Variants in NRG3 observed in about 807,000 individuals in gnomAD.
NRG3 encodes the protein pro-neuregulin-3, membrane-bound isoform.
In NRG3, 31 loss-of-function variants were observed where a neutral mutation model predicts 66.9. That is an observed-to-expected ratio of 0.46 (90% CI 0.35 to 0.63). The LOEUF (loss-of-function observed/expected upper bound fraction) is 0.63. NRG3 is among the 20% of genes least tolerant of loss of function. The pLI, the probability that NRG3 is intolerant of heterozygous loss-of-function variation, is 0.00. For synonymous variants in NRG3, 393 were observed against 359.4 expected (o/e 1.09, Z -1.06); for missense variants, 910 against 878.9 (o/e 1.04, Z -0.45).
chr10:81,909,682 A>C (rs1051589868), intron 1 of NRG3, among the ~76,000 whole-genome samples: 1 of 152,228 alleles, frequency 6.6e-6, no homozygotes, highest in Non-Finnish European at 1.5e-5. Flanking sequence ...GGAGGCAGAA[A>C]GCAGTTGTAT....
chr10:82,930,450 G>A (rs897469409), intron 4 of NRG3, among the ~76,000 whole-genome samples: 1 of 152,270 alleles, frequency 6.6e-6, no homozygotes, highest in East Asian at 1.9e-4. Flanking sequence ...GGGGATCTCA[G>A]TCTAATGACT....
At chr10:82,537,748 G>C (rs923253025) in intron 2 of NRG3, among the ~76,000 whole-genome samples, 2 of 151,958 alleles carry the variant, frequency 1.3e-5, no homozygotes, top group South Asian at 2.1e-4. Context: ...TAAAATAATG[G>C]TATTAATATA....
At chr10:82,845,480 A>C (rs2063265905) in intron 3 of NRG3, among the ~76,000 whole-genome samples, 1 of 152,184 alleles carries the variant, frequency 6.6e-6, no homozygotes, top group African/African-American at 2.4e-5. Context: ...GGAAAACGCC[A>C]ATGTGTGCTT....
At chr10:82,576,659 C>A (rs189140682) in intron 2 of NRG3, among the ~76,000 whole-genome samples, 22 of 151,890 alleles carry the variant, frequency 1.4e-4, no homozygotes, top group African/African-American at 5.1e-4. Context: ...ATGTGCTAGA[C>A]AACTGCCTTT....
chr10:82,781,631 G>A (rs150261767), intron 3 of NRG3, among the ~76,000 whole-genome samples: 1 of 152,050 alleles, frequency 6.6e-6, no homozygotes, highest in African/African-American at 2.4e-5. Flanking sequence ...ATACCCCAAA[G>A]CAAGAAAAAT....
At chr10:81,892,686 A>G (rs1224177543) in intron 1 of NRG3, among the ~76,000 whole-genome samples, 2 of 152,170 alleles carry the variant, frequency 1.3e-5, no homozygotes, top group Admixed American at 1.3e-4. Context: ...GTGAGGGGTT[A>G]CAGGAGAGGT....
intron 2 of NRG3, among the ~76,000 whole-genome samples, chr10:82,564,659 C>T (rs2045277128): frequency 6.6e-6 from 1 of 151,970 alleles, no homozygotes; most frequent in Non-Finnish European, 1.5e-5. Flanking sequence ...CTTAAGATTC[C>T]AGGTGAATCC....
At chr10:82,890,030 A>G (rs1279428432) in intron 4 of NRG3, among the ~76,000 whole-genome samples, 4 of 152,118 alleles carry the variant, frequency 2.6e-5, no homozygotes, top group Admixed American at 1.3e-4. Flanking sequence ...CAAGAAAGCC[A>G]ATACTCTAAG....
rs1369292330 is a variant in NRG3, at chr10:82,283,012, G to C, written c.824-75727G>C. ...TTGGTTTCCAAACGTTCACTAATGC[G>C]ATCTGCTCTGTGAGGCTGATCATCT... is the stretch of plus-strand genomic sequence containing the variant. On this transcript the variant is annotated intron_variant, in intron 1 of 8. Transcript: ENST00000372141. Among the ~76,000 whole-genome samples the C allele has an allele frequency of 2.6e-5, 4 of 151,960 alleles. No homozygotes were observed. In the East Asian group the frequency reaches 7.8e-4, roughly 29 times the overall value.
At chr10:82,324,603 A>G (rs2081762025) in intron 1 of NRG3, among the ~76,000 whole-genome samples, 1 of 152,166 alleles carries the variant, frequency 6.6e-6, no homozygotes, top group African/African-American at 2.4e-5. Context: ...TCCTACAAAT[A>G]TTGATATGCT....
intron 2 of NRG3, among the ~76,000 whole-genome samples, chr10:82,563,101 A>T (rs906522285): frequency 6.6e-6 from 1 of 152,150 alleles, no homozygotes; most frequent in Non-Finnish European, 1.5e-5. Flanking sequence ...GATTTAGAAC[A>T]TGGCATCCAG....
intron 3 of NRG3, among the ~76,000 whole-genome samples, chr10:82,752,756 C>T (rs901192295): frequency 2.6e-5 from 4 of 152,206 alleles, no homozygotes; most frequent in African/African-American, 7.2e-5. Flanking sequence ...AGCTGCCTTG[C>T]TTCTTCCACC....
At chr10:82,757,851 TTTAA>T (rs2059141851) in intron 3 of NRG3, among the ~76,000 whole-genome samples, 2 of 152,158 alleles carry the variant, frequency 1.3e-5, no homozygotes, top group South Asian at 4.1e-4. Flanking sequence ...AACAAATTGA[TTTAA>T]TTAAATCTAG....
intron 2 of NRG3, among the ~76,000 whole-genome samples, chr10:82,611,962 A>G (rs972621939): frequency 6.6e-5 from 10 of 152,162 alleles, no homozygotes; most frequent in South Asian, 2.1e-4. Flanking sequence ...TCAACATTCT[A>G]ACTGGTGTGA....
In NRG3 at chr10:82,907,385, C is replaced by T. The variant is rs561681977; in HGVS notation, c.1054+41948C>T. Among the ~76,000 whole-genome samples, 15 of 152,206 alleles carry T rather than the reference C, an allele frequency of 9.9e-5. No homozygotes were observed. In the South Asian group the frequency reaches 3.1e-3, roughly 31 times the overall value. On this transcript the variant is annotated intron_variant, in intron 4 of 8. Coordinates refer to ENST00000372141, the MANE Select transcript of NRG3 (RefSeq NM_001010848.4). The stretch of plus-strand genomic sequence containing the variant: ...TTTTCTGGAATATATCATTTTACCC[C>T]ACTTTTAACAGTTTGCGAATCATGG...
chr10:82,209,411 C>T (rs909253978), intron 1 of NRG3, among the ~76,000 whole-genome samples: 5 of 152,082 alleles, frequency 3.3e-5, no homozygotes, highest in African/African-American at 9.7e-5. Flanking sequence ...CAATTAAATT[C>T]GTTTGAGTAG....
chr10:82,290,800 A>ATTT (rs11369490), intron 1 of NRG3, among the ~76,000 whole-genome samples: 20 of 141,806 alleles, frequency 1.4e-4, no homozygotes, highest in African/African-American at 4.2e-4. Flanking sequence ...CGCCTGGCTA[A>ATTT]TTTTTTTTTT....
At chr10:82,705,640 T>G (rs968651765) in intron 2 of NRG3, among the ~76,000 whole-genome samples, 1 of 152,218 alleles carries the variant, frequency 6.6e-6, no homozygotes, top group Non-Finnish European at 1.5e-5. Context: ...GGGCTTACAG[T>G]GTTGATTCGT....
intron 1 of NRG3, among the ~76,000 whole-genome samples, chr10:82,209,476 C>T (rs1177226233): frequency 2.0e-5 from 3 of 152,160 alleles, no homozygotes; most frequent in African/African-American, 7.2e-5. Flanking sequence ...TAGAATTATA[C>T]ACTTTAAAGA....
Sources: gnomAD v4.1 joint callset for allele counts (sites outside exome capture counted in the v4.1 genomes callset) on GRCh38, gnomAD v4.1.1 for gene constraint, MANE v1.5 for transcripts, NCBI Gene and HGNC (gene_info 2026-07-23, HGNC 2026-07-21) for gene names.